Variants in DACH1 observed in about 807,000 individuals in gnomAD.
DACH1 encodes the protein dachshund family transcription factor 1.
A neutral mutation model predicts 54.2 loss-of-function variants in DACH1; 12 were observed. The ratio of observed to expected loss-of-function variants is 0.22; its 90% CI spans 0.14 to 0.36. The LOEUF is 0.36. Among genes scored for constraint, DACH1 ranks in the 10% least tolerant of loss-of-function variants. The probability of loss-of-function intolerance (pLI) is 1.00; values close to 1 mark genes in which losing one functional copy is unlikely to be tolerated. For synonymous variants in DACH1, 386 were observed against 366.2 expected (o/e 1.05, Z -0.62); for missense variants, 805 against 929.8 (o/e 0.87, Z 1.75).
intron 1 of DACH1, among the ~76,000 whole-genome samples, chr13:71,813,506 C>T (rs1490485283): frequency 6.6e-6 from 1 of 152,122 alleles, no homozygotes; most frequent in Non-Finnish European, 1.5e-5. Context: ...CCTATATTTC[C>T]ACTAATGAGG....
chr13:71,718,844 C>T (rs1294136553), intron 1 of DACH1, among the ~76,000 whole-genome samples: 1 of 152,100 alleles, frequency 6.6e-6, no homozygotes, highest in Non-Finnish European at 1.5e-5. Context: ...TAATTAGGTG[C>T]ATATTTCCTT....
At chr13:71,672,735 G>C (rs148791365) in intron 2 of DACH1, among the ~76,000 whole-genome samples, 1 of 152,072 alleles carries the variant, frequency 6.6e-6, no homozygotes, top group African/African-American at 2.4e-5. Flanking sequence ...ACCTCCTACT[G>C]GTTAAAAAAT....
Position 71,475,832 on chromosome 13 carries a change from G to A in DACH1, c.1888C>T (p.Leu630=). Residue 630 remains leucine (L), a synonymous_variant, in exon 9 of 11, where the codon CTA becomes TTA. Coordinates refer to ENST00000613252, the MANE Select transcript of DACH1 (RefSeq NM_080759.6). ...QKNRAIVQKR[L]KKEKKAKRKL... is the part of the protein sequence containing the mutation. ...CTCTTTGCCTTCTTCTCCTTCTTTAGCCTCTTTTGAACTATGGCTAAAAAA... is the reference window on the plus strand; with the variant it reads ...CTCTTTGCCTTCTTCTCCTTCTTTAACCTCTTTTGAACTATGGCTAAAAAA... The A allele has an allele frequency of 6.2e-7, 1 of 1,612,322 alleles. No homozygotes were observed.
intron 1 of DACH1, among the ~76,000 whole-genome samples, chr13:71,778,684 T>A (rs1465025078): frequency 6.6e-6 from 1 of 152,104 alleles, no homozygotes; most frequent in African/African-American, 2.4e-5. Context: ...AAATCATATG[T>A]TTTAAGCATA....
chr13:71,497,367 T>C (rs1286154838), intron 6 of DACH1, among the ~76,000 whole-genome samples: 1 of 152,034 alleles, frequency 6.6e-6, no homozygotes, highest in East Asian at 1.9e-4. Context: ...GTTTCGCTCT[T>C]ATTGCCCAGA....
chr13:71,776,489 TATTG>T (rs1886070674), intron 1 of DACH1, among the ~76,000 whole-genome samples: 1 of 152,140 alleles, frequency 6.6e-6, no homozygotes, highest in Non-Finnish European at 1.5e-5. Context: ...TTTCTTAATA[TATTG>T]ATTAATAAAG....
chr13:71,850,544 C>T (rs1054012034), intron 1 of DACH1, among the ~76,000 whole-genome samples: 4 of 152,222 alleles, frequency 2.6e-5, no homozygotes, highest in Admixed American at 6.5e-5. Flanking sequence ...CCACCTCCGA[C>T]GTGCAAGTAT....
At chr13:71,840,226 G>T (rs1888963228) in intron 1 of DACH1, among the ~76,000 whole-genome samples, 1 of 152,142 alleles carries the variant, frequency 6.6e-6, no homozygotes, top group Non-Finnish European at 1.5e-5. Context: ...GGGATTACAG[G>T]CATGAGCCAC....
intron 3 of DACH1, among the ~76,000 whole-genome samples, chr13:71,578,423 G>A (rs1885669039): frequency 6.6e-6 from 1 of 152,108 alleles, no homozygotes; most frequent in South Asian, 2.1e-4. Flanking sequence ...TACTTCAGAG[G>A]TAGGTGAGAG....
chr13:71,624,469 C>T (rs1037447080), intron 3 of DACH1, among the ~76,000 whole-genome samples: 1 of 151,842 alleles, frequency 6.6e-6, no homozygotes, highest in African/African-American at 2.4e-5. Context: ...CAGAATCTTT[C>T]TGGACTTTTA....
chr13:71,832,497 A>C (rs375827856), intron 1 of DACH1, among the ~76,000 whole-genome samples: 119 of 152,102 alleles, frequency 7.8e-4, no homozygotes, highest in African/African-American at 2.7e-3. Context: ...TTTAATAGTA[A>C]ATTTTCATAA....
chr13:71,645,377 T>C (rs1295223722), intron 2 of DACH1, among the ~76,000 whole-genome samples: 1 of 152,214 alleles, frequency 6.6e-6, no homozygotes, highest in Non-Finnish European at 1.5e-5. Context: ...TGTATGTGCG[T>C]AAACGATTTA....
chr13:71,635,306 C>A (rs2138581864), intron 2 of DACH1, among the ~76,000 whole-genome samples: 1 of 152,290 alleles, frequency 6.6e-6, no homozygotes, highest in East Asian at 1.9e-4. Flanking sequence ...AAAAGATTCA[C>A]CACCCTCAAC....
At chr13:71,822,906 G>T (rs187896410) in intron 1 of DACH1, among the ~76,000 whole-genome samples, 17 of 151,814 alleles carry the variant, frequency 1.1e-4, no homozygotes, top group Non-Finnish European at 2.1e-4. Context: ...TGAAAATAAC[G>T]TATTATTAGT....
At chr13:71,518,605 T>G (rs563857762) in intron 6 of DACH1, among the ~76,000 whole-genome samples, 4 of 151,996 alleles carry the variant, frequency 2.6e-5, no homozygotes, top group South Asian at 2.1e-4. Flanking sequence ...GCCTTCTGAT[T>G]CAGGTTCCAA....
chr13:71,790,998 AATG>A (rs1886806872), intron 1 of DACH1, among the ~76,000 whole-genome samples: 3 of 152,220 alleles, frequency 2.0e-5, no homozygotes, highest in African/African-American at 7.2e-5. Context: ...TAGGTCTTCA[AATG>A]ATCCACTATT....
At chr13:71,446,594 G>A (rs1874488265) in intron 10 of DACH1, among the ~76,000 whole-genome samples, 1 of 152,178 alleles carries the variant, frequency 6.6e-6, no homozygotes, top group South Asian at 2.1e-4. Context: ...TGACATTTCT[G>A]TGAATTCAAA....
intron 1 of DACH1, among the ~76,000 whole-genome samples, chr13:71,719,799 A>G (rs933362523): frequency 3.9e-5 from 6 of 152,110 alleles, no homozygotes; most frequent in Non-Finnish European, 8.8e-5. Flanking sequence ...CAGGAGGTTG[A>G]GGCTGCACTG....
chr13:71,736,153 G>T (rs1310999520), intron 1 of DACH1, among the ~76,000 whole-genome samples: 2 of 152,102 alleles, frequency 1.3e-5, no homozygotes, highest in East Asian at 3.9e-4. Context: ...AAGGACCAGA[G>T]TCTATGAAAA....
Sources: allele counts gnomAD v4.1 joint callset (sites outside exome capture counted in the v4.1 genomes callset), GRCh38; gene constraint gnomAD v4.1.1; transcripts MANE v1.5; gene names NCBI Gene and HGNC (gene_info 2026-07-23, HGNC 2026-07-21).